VPS13B: variants seen among roughly 807,000 people sequenced by gnomAD.
VPS13B encodes the protein vacuolar protein sorting 13 homolog B, also known as intermembrane lipid transfer protein VPS13B.
VPS13B carries 285 observed loss-of-function variants against 426.4 expected under a neutral mutation model. The observed-to-expected ratio is 0.67, with a 90% confidence interval of 0.61 to 0.74. The LOEUF (loss-of-function observed/expected upper bound fraction) is 0.74, where lower values mean the gene tolerates loss of function less well. Among genes scored for constraint, VPS13B ranks in the 30% least tolerant of loss-of-function variants. The probability of loss-of-function intolerance (pLI) is 0.00; values close to 1 mark genes in which losing one functional copy is unlikely to be tolerated. For synonymous variants in VPS13B, 1,676 were observed against 1,676.4 expected (o/e 1.00, Z 0.01); for missense variants, 4,537 against 4,782.6 (o/e 0.95, Z 1.51).
At chr8:99,331,821 G>A (rs887571617) in intron 19 of VPS13B, among the ~76,000 whole-genome samples, 10 of 151,628 alleles carry the variant, frequency 6.6e-5, no homozygotes, top group African/African-American at 2.4e-4. Context: ...TGAGACAGAA[G>A]GATACATTGC....
intron 19 of VPS13B, among the ~76,000 whole-genome samples, chr8:99,308,955 G>A (rs1820798582): frequency 6.6e-6 from 1 of 152,124 alleles, no homozygotes; most frequent in South Asian, 2.1e-4. Flanking sequence ...TTTTTCATGT[G>A]TCTGTGGGCT....
In VPS13B at chr8:99,209,658, C is replaced by T. The variant is rs1362960051; in HGVS notation, c.2515+16601C>T. The stretch of plus-strand genomic sequence containing the variant: ...CTGGCCTCAAATGATCCTCCCACCT[C>T]AACCTCCTGAAGTGCCGGGATTGGA... On this transcript the variant is annotated intron_variant, in intron 17 of 61. Coordinates refer to ENST00000357162, the MANE Select transcript of VPS13B (RefSeq NM_152564.5). The T allele has an allele frequency of 7.6e-6, 6 of 791,514 alleles. No individual in the cohort carries two copies. In the African/African-American group the frequency reaches 9.4e-5, roughly 12 times the overall value. The allele number at this position is 791,514 out of a possible 1,614,324, so 49.0% of individuals were successfully genotyped here.
At chr8:99,252,583 T>C (rs1817556878) in intron 17 of VPS13B, among the ~76,000 whole-genome samples, 1 of 152,118 alleles carries the variant, frequency 6.6e-6, no homozygotes, top group Non-Finnish European at 1.5e-5. Flanking sequence ...TTGATATCCT[T>C]GCTGATATTC....
chr8:99,259,441 A>ATTTGGAT (rs1198866279), intron 17 of VPS13B, among the ~76,000 whole-genome samples: 1 of 152,000 alleles, frequency 6.6e-6, no homozygotes, highest in African/African-American at 2.4e-5. Context: ...TAACCAGTGG[A>ATTTGGAT]TTTGGATTTT....
At chr8:99,193,142 G>A in intron 17 of VPS13B, 85 bp downstream of exon 17, 1 of 1,332,948 alleles carries the variant, frequency 7.5e-7, no homozygotes, top group Non-Finnish European at 1.1e-6. Flanking sequence ...CATATGTCTA[G>A]CATGGTCAAC....
chr8:99,101,474 G>A (rs1216526154), intron 4 of VPS13B, among the ~76,000 whole-genome samples: 36 of 152,044 alleles, frequency 2.4e-4, no homozygotes, highest in Admixed American at 2.4e-3. Context: ...TAATAATATG[G>A]GGTTATGTAC....
At chr8:99,015,806 G>A (rs1179032199) in intron 2 of VPS13B, among the ~76,000 whole-genome samples, 1 of 152,028 alleles carries the variant, frequency 6.6e-6, no homozygotes, top group East Asian at 2.0e-4. Flanking sequence ...GGGAGACTGA[G>A]GCAGGAGAAT....
intron 23 of VPS13B, among the ~76,000 whole-genome samples, chr8:99,444,687 T>A (rs527694327): frequency 3.9e-5 from 6 of 152,280 alleles, no homozygotes; most frequent in South Asian, 2.1e-4. Flanking sequence ...TTATTTATTT[T>A]TTTGGATCAG....
Position 99,819,540 on chromosome 8 carries a change from C to G in VPS13B, c.8750C>G (p.Ser2917Trp), listed in dbSNP as rs139732310. 1.9e-6 allele frequency: 3 copies of G among 1,613,626 alleles called. No homozygotes were observed. In the African/African-American group the frequency reaches 4.0e-5, roughly 22 times the overall value. ...ILDEFYGPEKSLQPIWPYNKK... is the reference protein window; with the variant it reads ...ILDEFYGPEKWLQPIWPYNKK... ...GACGAATTCTATGGGCCAGAAAAGT[C>G]GCTTCAACCCATATGGCCCTATAAT... is the stretch of plus-strand genomic sequence containing the variant. Residue 2917 changes from serine (S) to tryptophan (W), a missense_variant, in exon 48 of 62, where the codon TCG becomes TGG. By Grantham distance (177) the Ser-to-Trp change is radical. Around this residue, in one of 2 missense-constraint regions of VPS13B, gnomAD observed 4,311 missense variants for 4,474.3 expected, o/e 0.96. Transcript: ENST00000357162.
At chr8:99,197,036 CT>C (rs1350951293) in intron 17 of VPS13B, among the ~76,000 whole-genome samples, 2 of 152,060 alleles carry the variant, frequency 1.3e-5, no homozygotes, top group Admixed American at 1.3e-4. Flanking sequence ...TCACGAGAGG[CT>C]GTTGAATTTT....
chr8:99,260,007 C>T (rs955027024), intron 17 of VPS13B, among the ~76,000 whole-genome samples: 1 of 151,886 alleles, frequency 6.6e-6, no homozygotes, highest in Non-Finnish European at 1.5e-5. Context: ...ATTCAAATTA[C>T]AAGAGAGACA....
At chr8:99,157,535 T>C (rs1022171437) in intron 15 of VPS13B, among the ~76,000 whole-genome samples, 1 of 152,156 alleles carries the variant, frequency 6.6e-6, no homozygotes, top group Non-Finnish European at 1.5e-5. Context: ...TTGTGTGTGT[T>C]CTGGGTCCTC....
At chr8:99,141,231 G>T (rs147343630) in intron 12 of VPS13B, among the ~76,000 whole-genome samples, 1 of 152,130 alleles carries the variant, frequency 6.6e-6, no homozygotes, top group Non-Finnish European at 1.5e-5. Context: ...AAAATATATA[G>T]CTAAAAGCCA....
intron 39 of VPS13B, among the ~76,000 whole-genome samples, chr8:99,725,678 A>G (rs1036354558): frequency 7.9e-5 from 12 of 152,228 alleles, no homozygotes; most frequent in African/African-American, 2.9e-4. Flanking sequence ...GTTCTGTTTC[A>G]TATCATTCAA....
At position 99,380,121 on chromosome 8, in the gene VPS13B, A is replaced by G. The variant is rs183980952; in HGVS notation, c.2825-4087A>G. Reference sequence around the variant, plus strand: ...TACAGTGCAAATTAAATCTTACTGTATATATCGTACTACTTTATTCTTGTT... The same window carrying G: ...TACAGTGCAAATTAAATCTTACTGTGTATATCGTACTACTTTATTCTTGTT... On this transcript the variant is annotated intron_variant, in intron 19 of 61. Coordinates refer to ENST00000357162, the MANE Select transcript of VPS13B (RefSeq NM_152564.5). Among the ~76,000 whole-genome samples the G allele has an allele frequency of 6.4e-3, 968 of 152,278 alleles. 8 individuals carry two copies. Among genetic ancestry groups the G allele is most frequent in the African/African-American group, 0.022 (907 of 41,576 alleles).
intron 36 of VPS13B, among the ~76,000 whole-genome samples, chr8:99,706,133 G>C (rs1832487432): frequency 6.6e-6 from 1 of 152,012 alleles, no homozygotes; most frequent in Non-Finnish European, 1.5e-5. Flanking sequence ...ATGTGTAAAA[G>C]AACATTGCTG....
intron 24 of VPS13B, among the ~76,000 whole-genome samples, chr8:99,475,139 A>G (rs1319084373): frequency 6.6e-6 from 1 of 152,244 alleles, no homozygotes. Context: ...ATGTTAAAAT[A>G]TGCAGATTAC....
rs1356904932 is a variant in VPS13B, at chr8:99,234,275, G to T, written c.2516-39923G>T. On this transcript the variant is annotated intron_variant, in intron 17 of 61. Transcript: ENST00000357162. ...TGTTGCATATGTGACATTGACAACAGCAGTTTCTGTGTCTGTGTTGACTTG... is the reference window on the plus strand; with the variant it reads ...TGTTGCATATGTGACATTGACAACATCAGTTTCTGTGTCTGTGTTGACTTG... The T allele has an allele frequency of 2.1e-5, 16 of 766,156 alleles. No individual in the cohort carries two copies. The East Asian group carries it at 3.7e-4, about 18-fold the overall frequency. The allele number at this position is 766,156 out of a possible 1,614,324, so 47.5% of individuals were successfully genotyped here.
At chr8:99,273,336 T>A (rs1433345058) in intron 17 of VPS13B, among the ~76,000 whole-genome samples, 1 of 10,926 alleles carries the variant, frequency 9.2e-5, no homozygotes, top group Non-Finnish European at 3.2e-4. Context: ...TTTTTGTACT[T>A]TTTTTTTTTT....
Sources: allele counts gnomAD v4.1 joint callset (sites outside exome capture counted in the v4.1 genomes callset), GRCh38; gene constraint gnomAD v4.1.1; regional missense constraint gnomAD v4.1.1; transcripts MANE v1.5; gene names NCBI Gene and HGNC (gene_info 2026-07-23, HGNC 2026-07-21).